The following GON4L variants were observed in gnomAD, a reference collection of about 807,000 sequenced individuals.
GON4L encodes GON-4-like protein.
A neutral mutation model predicts 211.8 loss-of-function variants in GON4L; 87 were observed. The ratio of observed to expected loss-of-function variants is 0.41; its 90% confidence interval spans 0.35 to 0.49. GON4L has a LOEUF of 0.49. Ranked by LOEUF, GON4L falls within the 20% of genes least tolerant of loss-of-function variation. The pLI is 0.15. For missense variants in GON4L, 2,155 were observed against 2,659.5 expected, an observed-to-expected ratio of 0.81 and a Z score of 4.17; for synonymous variants, 875 against 962.6, an observed-to-expected ratio of 0.91 and a Z score of 1.68.
intron 10 of GON4L, among the ~76,000 whole-genome samples, chr1:155,810,940 G>A (rs1309379009): frequency 6.6e-6 from 1 of 151,914 alleles, no homozygotes; most frequent in Non-Finnish European, 1.5e-5. Context: ...CTTGAACCCG[G>A]GAGGCAGATC....
intron 22 of GON4L, among the ~76,000 whole-genome samples, 182 bp downstream of exon 22, chr1:155,763,130 A>G (rs1662019395): frequency 6.6e-6 from 1 of 152,226 alleles, no homozygotes; most frequent in Non-Finnish European, 1.5e-5. Context: ...ATTTCTGAGT[A>G]TCTGTTCTCC....
At position 155,765,556 on chromosome 1, in the gene GON4L, G is replaced by A. The variant is rs200697141; in HGVS notation, c.3917C>T (p.Pro1306Leu). The part of the protein sequence containing the change: ...EEGRQALEPL[P>L]QGIQESLNNP... The stretch of plus-strand genomic sequence containing the variant: ...GTTTAGAGACTCCTGGATGCCCTGA[G>A]GGAGCGGCTCCAGAGCTTGCCTCCC... Residue 1306 changes from proline (P) to leucine (L), a missense_variant, in exon 21 of 32, where the codon CCT becomes CTT. By Grantham distance (98) the Pro-to-Leu change is moderately conservative. Around this residue, in one of 6 missense-constraint regions of GON4L, gnomAD observed 615 missense variants for 625.7 expected, o/e 0.98. Coordinates refer to ENST00000368331, the MANE Select transcript of GON4L (RefSeq NM_001282860.2). 152 of 1,614,072 alleles carry A rather than the reference G, an allele frequency of 9.4e-5. No homozygotes were observed. The highest frequency in any genetic ancestry group is 1.6e-4 in the Middle Eastern group (1 of 6,084).
chr1:155,847,855 C>T (rs1389349153), intron 2 of GON4L, among the ~76,000 whole-genome samples: 1 of 152,056 alleles, frequency 6.6e-6, no homozygotes, highest in East Asian at 1.9e-4. Context: ...GCCTGGGGAA[C>T]AGAGTGAGAC....
intron 13 of GON4L, chr1:155,784,327 T>C (rs879449393): frequency 1.2e-5 from 4 of 326,328 alleles, no homozygotes; most frequent in Non-Finnish European, 1.7e-5. Context: ...GGACAGAGCG[T>C]GGATAACTCA....
At chr1:155,784,922 G>A (rs1664793295) in intron 13 of GON4L, 1 of 315,778 alleles carries the variant, frequency 3.2e-6, no homozygotes, top group Non-Finnish European at 6.2e-6. Flanking sequence ...AGAACAACCT[G>A]AGCAATGTGG....
chr1:155,834,069 A>C (rs879557881), intron 2 of GON4L, among the ~76,000 whole-genome samples: 9 of 152,086 alleles, frequency 5.9e-5, no homozygotes, highest in Middle Eastern at 3.4e-3. Context: ...CAAGATCCTC[A>C]CACCTTGGCC....
chr1:155,769,534 T>C (rs1256680073), intron 19 of GON4L, among the ~76,000 whole-genome samples: 3 of 151,758 alleles, frequency 2.0e-5, no homozygotes, highest in African/African-American at 7.3e-5. Context: ...AAGATGAAAG[T>C]GACGGAATAT....
At chr1:155,841,784 T>A (rs1262772489) in intron 2 of GON4L, among the ~76,000 whole-genome samples, 1 of 152,166 alleles carries the variant, frequency 6.6e-6, no homozygotes, top group Non-Finnish European at 1.5e-5. Context: ...TCCCAGCACT[T>A]TGGGAAGCCA....
chr1:155,808,448 G>A (rs769274254), intron 10 of GON4L, among the ~76,000 whole-genome samples: 5 of 151,906 alleles, frequency 3.3e-5, no homozygotes, highest in African/African-American at 4.8e-5. Flanking sequence ...TCTTTTTCAC[G>A]ATCCCACCCT....
intron 11 of GON4L, among the ~76,000 whole-genome samples, chr1:155,796,194 ATAAC>A (rs1043816589): frequency 6.6e-6 from 1 of 152,142 alleles, no homozygotes; most frequent in African/African-American, 2.4e-5. Context: ...AGAATCATAA[ATAAC>A]TAAAAATATA....
chr1:155,747,491 C>A (rs1226176455), downstream of GON4L: 464 of 1,584,694 alleles, frequency 2.9e-4, no homozygotes, highest in Middle Eastern at 2.5e-3. Flanking sequence ...TCTTCCCTGC[C>A]CTTCCCCAGG....
At chr1:155,798,574 TAA>T (rs1666316576) in intron 11 of GON4L, among the ~76,000 whole-genome samples, 1 of 63,570 alleles carries the variant, frequency 1.6e-5, no homozygotes, top group Non-Finnish European at 3.2e-5. Context: ...CACGTCAGGC[TAA>T]TTTTTTTTTT....
Position 155,766,293 on chromosome 1 carries a change from G to A in GON4L, c.3180C>T (p.Val1060=), listed in dbSNP as rs375308015. The A allele has an allele frequency of 2.5e-6, 4 of 1,614,000 alleles. No individual in the cohort carries two copies. The African/African-American group carries it at 4.0e-5, about 16-fold the overall frequency. Reference sequence around the variant, plus strand: ...GAGACTCAAAACTCTCACCTCCACTGACCCCCAGTGGAGGGACACCTGGAA... The same window carrying A: ...GAGACTCAAAACTCTCACCTCCACTAACCCCCAGTGGAGGGACACCTGGAA... The part of the protein sequence containing the change: ...QTVPGVPPLG[V]SGGESFESPA... The change falls in exon 21 of 32, where the codon GTC becomes GTT. Residue 1060 remains valine, a synonymous_variant. Transcript: ENST00000368331.
intron 11 of GON4L, 110 bp downstream of exon 11, chr1:155,804,839 C>T (rs1666993785): frequency 1.2e-6 from 1 of 804,566 alleles, no homozygotes; most frequent in South Asian, 1.4e-5. Context: ...CAGTTAAATA[C>T]AAATTAAATC....
intron 11 of GON4L, among the ~76,000 whole-genome samples, chr1:155,798,386 A>ATAAGTCTCTTCACAG (rs1028553156): frequency 6.7e-6 from 1 of 149,046 alleles, no homozygotes; most frequent in Non-Finnish European, 1.5e-5. Context: ...TACTTTCTAT[A>ATAAGTCTCTTCACAG]TAAGTCTCTT....
chr1:155,751,148 G>A (rs1331307382), intron 31 of GON4L, among the ~76,000 whole-genome samples: 1 of 152,182 alleles, frequency 6.6e-6, no homozygotes, highest in African/African-American at 2.4e-5. Context: ...TCACAGCAAG[G>A]TTGGGAGAGC....
chr1:155,765,783 G>A lies in GON4L; in HGVS notation c.3690C>T (p.Asp1230=), dbSNP rs182194057. Residue 1230 remains aspartate, a synonymous_variant, in exon 21 of 32, where the codon GAC becomes GAT. Coordinates refer to ENST00000368331, the MANE Select transcript of GON4L (RefSeq NM_001282860.2). The part of the protein sequence containing the change: ...TPEDKAHVNV[D]IACAVADGEN... ...CCCCATCAGCCACAGCACAAGCAAT[G>A]TCCACATTCACGTGGGCCTTATCTT... The A allele has an allele frequency of 7.5e-4, 1,206 of 1,614,192 alleles. 6 individuals are homozygous for A. Among genetic ancestry groups the A allele is most frequent in the Non-Finnish European group, 1.2e-4 (146 of 1,180,040 alleles).
intron 29 of GON4L, 94 bp from the exon 30 acceptor site, chr1:155,752,684 C>T: frequency 6.5e-7 from 1 of 1,538,072 alleles, no homozygotes; most frequent in Non-Finnish European, 8.8e-7. Context: ...TGCAAAAATT[C>T]TAATAAAAAA....
chr1:155,786,617 C>T (rs886913334), intron 12 of GON4L, among the ~76,000 whole-genome samples: 12 of 152,122 alleles, frequency 7.9e-5, no homozygotes, highest in East Asian at 3.8e-4. Context: ...AGAACTCCAT[C>T]GGTGACTTAG....
Sources: gnomAD v4.1 joint callset for allele counts (sites outside exome capture counted in the v4.1 genomes callset) on GRCh38, gnomAD v4.1.1 for gene constraint, gnomAD v4.1.1 regional missense constraint, MANE v1.5 for transcripts, NCBI Gene and HGNC (gene_info 2026-07-23, HGNC 2026-07-21) for gene names.